The following PRKG1 variants were observed in gnomAD, a reference collection of about 807,000 sequenced individuals.
PRKG1 encodes the protein cGMP-dependent protein kinase 1.
In PRKG1, 35 loss-of-function variants were observed where a neutral mutation model predicts 88.1. The ratio of observed to expected loss-of-function variants is 0.40; its 90% CI spans 0.30 to 0.53. PRKG1 has a LOEUF of 0.53. Ranked by LOEUF, PRKG1 falls within the 20% of genes least tolerant of loss-of-function variation. The pLI is 0.59. For synonymous variants in PRKG1, 303 were observed against 292.5 expected (o/e 1.04, Z -0.37); for missense variants, 540 against 839.8 (o/e 0.64, Z 4.41).
intron 5 of PRKG1, among the ~76,000 whole-genome samples, chr10:52,029,263 A>G (rs981874448): frequency 1.3e-5 from 2 of 152,200 alleles, no homozygotes; most frequent in Non-Finnish European, 2.9e-5. Context: ...TTACATTTAA[A>G]TGTTCACAAA....
chr10:51,301,039 C>T (rs1293899524), intron 2 of PRKG1, among the ~76,000 whole-genome samples: 1 of 152,060 alleles, frequency 6.6e-6, no homozygotes, highest in Non-Finnish European at 1.5e-5. Context: ...CTTCTCATGC[C>T]AGTTAACTCT....
intron 4 of PRKG1, among the ~76,000 whole-genome samples, chr10:51,839,450 C>T (rs1840213431): frequency 6.6e-6 from 1 of 152,018 alleles, no homozygotes; most frequent in South Asian, 2.1e-4. Flanking sequence ...AATTTCAAAG[C>T]TTGTATTTAG....
At chr10:51,202,537 T>A (rs187026552) in intron 2 of PRKG1, among the ~76,000 whole-genome samples, 4 of 152,136 alleles carry the variant, frequency 2.6e-5, no homozygotes, top group Non-Finnish European at 5.9e-5. Context: ...TAGACAGATA[T>A]ACACACACAC....
chr10:52,280,202 T>A (rs1399441693), intron 12 of PRKG1, among the ~76,000 whole-genome samples: 1 of 152,176 alleles, frequency 6.6e-6, no homozygotes, highest in Non-Finnish European at 1.5e-5. Flanking sequence ...TTGTTTTGGA[T>A]GCAGAAGTTT....
chr10:52,137,827 G>A (rs1173639745), intron 8 of PRKG1, among the ~76,000 whole-genome samples: 1 of 152,066 alleles, frequency 6.6e-6, no homozygotes, highest in Non-Finnish European at 1.5e-5. Context: ...ATGGAAGGCT[G>A]ACTGTATACT....
chr10:51,365,485 T>A (rs2132595765), intron 2 of PRKG1, among the ~76,000 whole-genome samples: 1 of 152,112 alleles, frequency 6.6e-6, no homozygotes, highest in South Asian at 2.1e-4. Flanking sequence ...GGGTGCTTGA[T>A]ACATCTGTCT....
chr10:52,179,762 C>T (rs1564504735), intron 9 of PRKG1, among the ~76,000 whole-genome samples: 1 of 152,294 alleles, frequency 6.6e-6, no homozygotes, highest in East Asian at 1.9e-4. Context: ...AATCTCAGCT[C>T]ACTACAACCT....
At chr10:51,905,360 C>A (rs1469294708) in intron 4 of PRKG1, among the ~76,000 whole-genome samples, 1 of 152,088 alleles carries the variant, frequency 6.6e-6, no homozygotes, top group Non-Finnish European at 1.5e-5. Flanking sequence ...ATCAAAGTGA[C>A]AAATTAACAA....
At chr10:51,530,652 T>C (rs566596196) in intron 3 of PRKG1, among the ~76,000 whole-genome samples, 8 of 152,314 alleles carry the variant, frequency 5.3e-5, no homozygotes, top group African/African-American at 1.4e-4. Flanking sequence ...GAATCCTTTG[T>C]TGATATTTTG....
rs1261096696 is a variant in PRKG1, at chr10:52,282,116, A to G, written c.1546-37A>G. 11 of 1,510,510 alleles carry G rather than the reference A, an allele frequency of 7.3e-6. No individual in the cohort carries two copies. The South Asian group carries it at 1.4e-4, about 20-fold the overall frequency. 93.6% of individuals were successfully genotyped at this position (1,510,510 alleles called of 1,614,324 possible). On this transcript the variant is annotated intron_variant, in intron 13 of 17. Coordinates refer to ENST00000373980, the MANE Select transcript of PRKG1 (RefSeq NM_006258.4). ...ACTTATTACTTTAAAACTTAATCAT[A>G]AGGAGCTTAAGTATCTTGTTTTTCT...
chr10:51,700,789 A>G lies in PRKG1; in HGVS notation c.593-103796A>G, dbSNP rs768175100. Among the ~76,000 whole-genome samples, 156 of 152,374 alleles carry G rather than the reference A, an allele frequency of 1.0e-3. 2 individuals are homozygous for G. In the Middle Eastern group the frequency reaches 0.017, roughly 17 times the overall value. On this transcript the variant is annotated intron_variant, in intron 3 of 17. Transcript: ENST00000373980. Reference sequence around the variant, plus strand: ...TTTAAATCTCATTTTTTATTTAAATATAAAAACTAATGTTCAGTAAGCTAT... The same window carrying G: ...TTTAAATCTCATTTTTTATTTAAATGTAAAAACTAATGTTCAGTAAGCTAT...
At chr10:51,628,550 T>C (rs1839433953) in intron 3 of PRKG1, among the ~76,000 whole-genome samples, 1 of 152,212 alleles carries the variant, frequency 6.6e-6, no homozygotes, top group Non-Finnish European at 1.5e-5. Flanking sequence ...TTTTACCATT[T>C]AAGTTTTTAT....
At chr10:52,066,378 C>G (rs971051101) in intron 7 of PRKG1, among the ~76,000 whole-genome samples, 1 of 152,148 alleles carries the variant, frequency 6.6e-6, no homozygotes, top group Non-Finnish European at 1.5e-5. Flanking sequence ...GAAAAGAAGT[C>G]CCAAATATTT....
At chr10:51,735,602 C>A (rs1837244079) in intron 3 of PRKG1, among the ~76,000 whole-genome samples, 3 of 151,982 alleles carry the variant, frequency 2.0e-5, no homozygotes, top group African/African-American at 4.8e-5. Flanking sequence ...CCTTGGATAC[C>A]AAATCCACTC....
chr10:51,358,941 G>T (rs575527754), intron 2 of PRKG1, among the ~76,000 whole-genome samples: 3 of 150,362 alleles, frequency 2.0e-5, no homozygotes, highest in Non-Finnish European at 4.4e-5. Flanking sequence ...TATTGGGGGG[G>T]GGGGTGTGGA....
intron 1 of PRKG1, among the ~76,000 whole-genome samples, chr10:51,003,332 GT>G (rs1842909095): frequency 6.6e-6 from 1 of 152,160 alleles, no homozygotes; most frequent in African/African-American, 2.4e-5. Context: ...TAGCAGCAGG[GT>G]TTGAAGCATG....
At chr10:52,225,350 G>A (rs763464457) in intron 9 of PRKG1, among the ~76,000 whole-genome samples, 8 of 151,904 alleles carry the variant, frequency 5.3e-5, no homozygotes, top group Non-Finnish European at 1.2e-4. Context: ...ATTTCTTACT[G>A]ATGTGTTTGA....
At chr10:51,753,884 C>G (rs1026048155) in intron 3 of PRKG1, among the ~76,000 whole-genome samples, 5 of 152,132 alleles carry the variant, frequency 3.3e-5, no homozygotes, top group African/African-American at 1.2e-4. Flanking sequence ...TCATGAAGCT[C>G]ATGAACATTC....
At chr10:51,481,685 T>A (rs556558174) in intron 3 of PRKG1, among the ~76,000 whole-genome samples, 1 of 152,336 alleles carries the variant, frequency 6.6e-6, no homozygotes, top group African/African-American at 2.4e-5. Context: ...CTTTTATTTC[T>A]CTTGTGAGAA....
Sources: gnomAD v4.1 joint callset for allele counts (sites outside exome capture counted in the v4.1 genomes callset) on GRCh38, gnomAD v4.1.1 for gene constraint, MANE v1.5 for transcripts, NCBI Gene and HGNC (gene_info 2026-07-23, HGNC 2026-07-21) for gene names.